Variants in POFUT3 observed in about 807,000 individuals in gnomAD.
POFUT3 encodes GDP-fucose protein O-fucosyltransferase 3.
chr8:33,469,795 T>C, the POFUT3 span, among the ~76,000 whole-genome samples: 1 of 134,042 alleles, frequency 7.5e-6, no homozygotes, highest in Non-Finnish European at 1.5e-5. Context: ...ACAGATTTTT[T>C]ACTTTTTCTT....
At chr8:33,315,555 C>T in the POFUT3 span, among the ~76,000 whole-genome samples, 2 of 151,966 alleles carry the variant, frequency 1.3e-5, no homozygotes, top group African/African-American at 2.4e-5. Context: ...AAGTGGGGGC[C>T]GTGTCCTGCC....
the POFUT3 span, among the ~76,000 whole-genome samples, chr8:33,388,497 G>A: frequency 2.0e-4 from 31 of 151,662 alleles, no homozygotes; most frequent in South Asian, 2.1e-4. Flanking sequence ...TCACCATGCC[G>A]GGCTAATTTT....
the POFUT3 span, among the ~76,000 whole-genome samples, chr8:33,333,351 T>C: frequency 1.3e-5 from 2 of 152,190 alleles, no homozygotes; most frequent in Non-Finnish European, 2.9e-5. Flanking sequence ...GTAGTGGGGT[T>C]GAAGGGCTTG....
chr8:33,318,458 G>A, the POFUT3 span, among the ~76,000 whole-genome samples: 1 of 135,910 alleles, frequency 7.4e-6, no homozygotes, highest in Non-Finnish European at 1.5e-5. Flanking sequence ...GTGTGTGTAT[G>A]AATTCTATTA....
chr8:33,390,362 G>A, the POFUT3 span, among the ~76,000 whole-genome samples: 2 of 152,062 alleles, frequency 1.3e-5, no homozygotes, highest in South Asian at 2.1e-4. Context: ...AACAGGAGTC[G>A]TGTCTGGCCA....
the POFUT3 span, among the ~76,000 whole-genome samples, chr8:33,424,407 G>A: frequency 1.3e-5 from 2 of 152,112 alleles, no homozygotes; most frequent in Admixed American, 1.3e-4. Context: ...CTGTGCAATG[G>A]ATAGGAGCAC....
chr8:33,344,325 A>G, the POFUT3 span, among the ~76,000 whole-genome samples: 2 of 152,204 alleles, frequency 1.3e-5, no homozygotes, highest in African/African-American at 4.8e-5. Flanking sequence ...ATTACTGGCT[A>G]CTTTGGTTCT....
At chr8:33,466,716 G>C in the POFUT3 span, among the ~76,000 whole-genome samples, 1 of 152,148 alleles carries the variant, frequency 6.6e-6, no homozygotes, top group African/African-American at 2.4e-5. Context: ...CAGACTTGCA[G>C]AGAGCACTAT....
the POFUT3 span, among the ~76,000 whole-genome samples, chr8:33,472,518 C>T: frequency 6.6e-6 from 1 of 152,194 alleles, no homozygotes; most frequent in African/African-American, 2.4e-5. Flanking sequence ...CCGGTGCTTT[C>T]CTGGGGCATT....
chr8:33,321,984 T>C, the POFUT3 span, among the ~76,000 whole-genome samples: 43 of 152,236 alleles, frequency 2.8e-4, no homozygotes, highest in Non-Finnish European at 4.9e-4. Context: ...TGAGTATATG[T>C]CTGGCTCACC....
At chr8:33,329,508 C>T in the POFUT3 span, among the ~76,000 whole-genome samples, 3 of 152,166 alleles carry the variant, frequency 2.0e-5, no homozygotes, top group African/African-American at 7.2e-5. Flanking sequence ...TCTTATGATA[C>T]TGGACCCATA....
At chr8:33,451,404 G>A in the POFUT3 span, among the ~76,000 whole-genome samples, 2 of 151,946 alleles carry the variant, frequency 1.3e-5, no homozygotes, top group Non-Finnish European at 2.9e-5. Context: ...GTATATACAT[G>A]TGTACATGTA....
chr8:33,424,392 A>G, the POFUT3 span, among the ~76,000 whole-genome samples: 3 of 152,224 alleles, frequency 2.0e-5, no homozygotes, highest in African/African-American at 7.2e-5. Flanking sequence ...TCATGGTCCT[A>G]TGTCCTGTGC....
At chr8:33,456,411 G>A in the POFUT3 span, among the ~76,000 whole-genome samples, 7 of 151,892 alleles carry the variant, frequency 4.6e-5, no homozygotes, top group Non-Finnish European at 5.9e-5. Flanking sequence ...AGGCTAGAGT[G>A]CAATGGCGTG....
the POFUT3 span, among the ~76,000 whole-genome samples, chr8:33,342,720 T>C: frequency 6.6e-6 from 1 of 152,334 alleles, no homozygotes; most frequent in South Asian, 2.1e-4. Flanking sequence ...GTAGGAATGT[T>C]ACAGCCAAGC....
chr8:33,408,414 C>T, the POFUT3 span, among the ~76,000 whole-genome samples: 3 of 151,968 alleles, frequency 2.0e-5, no homozygotes, highest in South Asian at 6.2e-4. Flanking sequence ...TGGGACCTGT[C>T]AAGTTTACCA....
the POFUT3 span, among the ~76,000 whole-genome samples, chr8:33,434,889 G>C: frequency 6.6e-6 from 1 of 152,200 alleles, no homozygotes; most frequent in African/African-American, 2.4e-5. Flanking sequence ...GATAACAAGA[G>C]GCTGGCTGGG....
chr8:33,468,048 T>G, the POFUT3 span, among the ~76,000 whole-genome samples: 1 of 152,028 alleles, frequency 6.6e-6, no homozygotes, highest in African/African-American at 2.4e-5. Flanking sequence ...GAGACCAGCC[T>G]GGACAACACA....
the POFUT3 span, among the ~76,000 whole-genome samples, chr8:33,417,543 G>A: frequency 6.6e-6 from 1 of 152,054 alleles, no homozygotes; most frequent in East Asian, 1.9e-4. Context: ...GTGGGAACTG[G>A]GAAACAGGGA....
Sources: allele counts gnomAD v4.1 joint callset (sites outside exome capture counted in the v4.1 genomes callset), GRCh38; gene constraint gnomAD v4.1.1; transcripts MANE v1.5; gene names NCBI Gene and HGNC (gene_info 2026-07-23, HGNC 2026-07-21).